ASCC3: variants seen among roughly 807,000 people sequenced by gnomAD.
The protein encoded by ASCC3 is activating signal cointegrator 1 complex subunit 3, also known as ASC-1 complex subunit P200.
A neutral mutation model predicts 256.3 loss-of-function variants in ASCC3; 158 were observed. That is an observed-to-expected ratio of 0.62 (90% CI 0.54 to 0.70). The LOEUF (loss-of-function observed/expected upper bound fraction) is 0.70, where lower values mean the gene tolerates loss of function less well. Ranked by LOEUF, ASCC3 falls within the 30% of genes least tolerant of loss-of-function variation. The probability of loss-of-function intolerance (pLI) is 0.00; values close to 1 mark genes in which losing one functional copy is unlikely to be tolerated. For synonymous variants in ASCC3, 948 were observed against 883.4 expected, an observed-to-expected ratio of 1.07 and a Z score of -1.30; for missense variants, 2,259 against 2,626.0, an observed-to-expected ratio of 0.86 and a Z score of 3.05.
chr6:100,551,370 T>A (rs1769291771), intron 36 of ASCC3, among the ~76,000 whole-genome samples: 1 of 151,812 alleles, frequency 6.6e-6, no homozygotes, highest in Admixed American at 6.6e-5. Flanking sequence ...GAGGTACATA[T>A]AATAATAGTG....
intron 36 of ASCC3, among the ~76,000 whole-genome samples, chr6:100,582,430 T>G (rs1441086697): frequency 6.6e-5 from 10 of 151,790 alleles, no homozygotes; most frequent in Non-Finnish European, 1.2e-4. Context: ...TTTTGTACAT[T>G]GATTTTGTAT....
intron 13 of ASCC3, among the ~76,000 whole-genome samples, chr6:100,690,365 T>A (rs1777785668): frequency 6.6e-6 from 1 of 152,208 alleles, no homozygotes; most frequent in South Asian, 2.1e-4. Context: ...CCCATGAATA[T>A]GGAGAGCCAA....
chr6:100,660,525 A>G (rs995122610), intron 16 of ASCC3, among the ~76,000 whole-genome samples: 5 of 151,802 alleles, frequency 3.3e-5, no homozygotes, highest in African/African-American at 1.2e-4. Context: ...TTCAAATTTT[A>G]TTTCTCAGTT....
At chr6:100,807,803 G>A (rs1043208186) in intron 4 of ASCC3, among the ~76,000 whole-genome samples, 2 of 148,188 alleles carry the variant, frequency 1.3e-5, no homozygotes, top group South Asian at 2.4e-4. Flanking sequence ...AAAAGGGGAA[G>A]TATGTATAAA....
chr6:100,581,874 G>A lies in ASCC3; in HGVS notation c.5550+7760C>T, dbSNP rs1229832290. Among the ~76,000 whole-genome samples, 3 of 150,558 alleles carry A rather than the reference G, an allele frequency of 2.0e-5. No individual in the cohort carries two copies. In the South Asian group the frequency reaches 6.3e-4, roughly 32 times the overall value. The stretch of plus-strand genomic sequence containing the variant: ...CCCATTGCTTGTTTTTCTCAGGTTT[G>A]TCAAAGATCAGATAGTTGTAGATAT... On this transcript the variant is annotated intron_variant, in intron 36 of 41. Transcript: ENST00000369162.
At chr6:100,770,695 T>A (rs573862170) in intron 8 of ASCC3, among the ~76,000 whole-genome samples, 1 of 151,954 alleles carries the variant, frequency 6.6e-6, no homozygotes, top group Non-Finnish European at 1.5e-5. Context: ...ATACCGGCAA[T>A]GAAATATCTG....
rs1204294754 is a variant in ASCC3 at position 100,509,116 on chromosome 6, A to T, written c.*270T>A. On this transcript the variant is annotated 3_prime_UTR_variant, in exon 42 of 42. Transcript: ENST00000369162. ...AGCTCCTAAATATCATCCCAAATATACACAAATTAAAAGATTATTCTAAAT... is the reference window on the plus strand; with the variant it reads ...AGCTCCTAAATATCATCCCAAATATTCACAAATTAAAAGATTATTCTAAAT... 2 of 435,926 alleles carry T rather than the reference A, an allele frequency of 4.6e-6. No homozygotes were observed. The highest frequency in any genetic ancestry group is 8.5e-6 in the Non-Finnish European group (2 of 235,636). The allele number at this position is 435,926 out of a possible 1,614,324, so 27.0% of individuals were successfully genotyped here. A position where few individuals can be genotyped will look rare whatever the true frequency, so the allele number is the denominator to read the frequency against.
At chr6:100,727,127 C>T (rs771969698) in intron 10 of ASCC3, among the ~76,000 whole-genome samples, 1 of 151,972 alleles carries the variant, frequency 6.6e-6, no homozygotes, top group Non-Finnish European at 1.5e-5. Flanking sequence ...TTGTTTTCTA[C>T]AATTGTTTAA....
At chr6:100,753,470 A>G (rs1027743544) in intron 10 of ASCC3, among the ~76,000 whole-genome samples, 2 of 148,062 alleles carry the variant, frequency 1.4e-5, no homozygotes, top group African/African-American at 5.0e-5. Flanking sequence ...AAAGGGCATG[A>G]AAAAATGGAC....
intron 11 of ASCC3, among the ~76,000 whole-genome samples, chr6:100,723,883 TATATATATATA>T (rs1779477183): frequency 7.2e-6 from 1 of 138,986 alleles, no homozygotes; most frequent in Non-Finnish European, 1.5e-5. Flanking sequence ...TATATATATA[TATATATATATA>T]TATTTATAAT....
chr6:100,730,759 T>G (rs1307752455), intron 10 of ASCC3, among the ~76,000 whole-genome samples: 1 of 152,202 alleles, frequency 6.6e-6, no homozygotes, highest in African/African-American at 2.4e-5. Flanking sequence ...TCTGACAGCT[T>G]GCAGATTATA....
chr6:100,772,042 G>C (rs1451079806), intron 8 of ASCC3, among the ~76,000 whole-genome samples: 3 of 151,800 alleles, frequency 2.0e-5, no homozygotes, highest in African/African-American at 7.3e-5. Context: ...ACCAGGCATG[G>C]CTAATTTTTT....
Position 100,798,983 on chromosome 6 carries a change from AACTT to A in ASCC3, c.1270-149_1270-146del, listed in dbSNP as rs989411940. 6.5e-6 allele frequency: 5 copies of A among 768,852 alleles called. No individual in the cohort carries two copies. In the African/African-American group the frequency reaches 1.2e-4, roughly 19 times the overall value. 47.6% of individuals were successfully genotyped at this position (768,852 alleles called of 1,614,324 possible). On this transcript the variant is annotated intron_variant, in intron 7 of 41. Coordinates refer to ENST00000369162, the MANE Select transcript of ASCC3 (RefSeq NM_006828.4). ...AACTTAGCTAATTTAAAAGAAAACA[AACTT>A]AAATAAAACAAAAACAAATGCAAAA...
At chr6:100,557,902 C>CA (rs1018282206) in intron 36 of ASCC3, among the ~76,000 whole-genome samples, 1 of 149,416 alleles carries the variant, frequency 6.7e-6, no homozygotes, top group African/African-American at 2.5e-5. Context: ...TCACCCCCCC[C>CA]AAAAAAATGT....
chr6:100,597,168 C>A (rs1000337799), intron 34 of ASCC3, among the ~76,000 whole-genome samples: 1 of 152,094 alleles, frequency 6.6e-6, no homozygotes, highest in Non-Finnish European at 1.5e-5. Context: ...CCCCCCAGGC[C>A]GCCTTCTGGC....
intron 30 of ASCC3, among the ~76,000 whole-genome samples, chr6:100,617,128 C>G (rs1370008004): frequency 6.6e-6 from 1 of 152,056 alleles, no homozygotes; most frequent in Non-Finnish European, 1.5e-5. Context: ...CCTCAGCCTC[C>G]CGAGTAGCTG....
chr6:100,563,129 T>C (rs1215090704), intron 36 of ASCC3, among the ~76,000 whole-genome samples: 6 of 152,038 alleles, frequency 3.9e-5, no homozygotes, highest in Admixed American at 2.6e-4. Context: ...TTTTTTAATA[T>C]TACCTTTTTA....
chr6:100,541,356 A>G (rs2114665545), intron 36 of ASCC3, among the ~76,000 whole-genome samples: 1 of 152,230 alleles, frequency 6.6e-6, no homozygotes, highest in Middle Eastern at 3.4e-3. Context: ...ACATAAAACT[A>G]TGAAAGAGAA....
intron 39 of ASCC3, 102 bp downstream of exon 39, chr6:100,516,078 C>A (rs549241378): frequency 1.4e-6 from 2 of 1,404,724 alleles, no homozygotes; most frequent in East Asian, 4.6e-5. Context: ...CAATTTAACT[C>A]AAGGTGAGCC....
Sources: allele counts gnomAD v4.1 joint callset (sites outside exome capture counted in the v4.1 genomes callset), GRCh38; gene constraint gnomAD v4.1.1; transcripts MANE v1.5; gene names NCBI Gene and HGNC (gene_info 2026-07-23, HGNC 2026-07-21).